Variants in LIPC observed in about 807,000 individuals in gnomAD.
LIPC encodes the protein hepatic triacylglycerol lipase.
Under a neutral mutation model 50.7 loss-of-function variants are expected in LIPC, and 44 were observed. That is an observed-to-expected ratio of 0.87 (90% CI 0.68 to 1.11). LIPC has a LOEUF of 1.11. LIPC is among the 50% of genes most tolerant of loss of function. The pLI is 0.00. For synonymous variants in LIPC, 271 were observed against 256.4 expected, an observed-to-expected ratio of 1.06 and a Z score of -0.54; for missense variants, 697 against 648.2, an observed-to-expected ratio of 1.08 and a Z score of -0.82.
At chr15:58,524,536 C>A (rs1237002175) in intron 1 of LIPC, among the ~76,000 whole-genome samples, 1 of 152,230 alleles carries the variant, frequency 6.6e-6, no homozygotes, top group African/African-American at 2.4e-5. Flanking sequence ...TGGAGTTGCA[C>A]CATTTTGCAT....
intron 7 of LIPC, among the ~76,000 whole-genome samples, chr15:58,563,264 G>A (rs1894230538): frequency 2.0e-5 from 3 of 152,172 alleles, no homozygotes; most frequent in Admixed American, 1.3e-4. Flanking sequence ...ACTTCTCGGA[G>A]CCTTTTTGAT....
chr15:58,490,871 G>A (rs1420511157), intron 1 of LIPC, among the ~76,000 whole-genome samples: 1 of 152,138 alleles, frequency 6.6e-6, no homozygotes, highest in Non-Finnish European at 1.5e-5. Flanking sequence ...TCAGGTCTCT[G>A]AGAGCCCAGA....
intron 1 of LIPC, among the ~76,000 whole-genome samples, chr15:58,478,313 A>T (rs1312263146): frequency 6.6e-6 from 1 of 152,194 alleles, no homozygotes; most frequent in Non-Finnish European, 1.5e-5. Flanking sequence ...ATCTCGGCTC[A>T]CTGTAACCTC....
chr15:58,542,620 C>A lies in LIPC; in HGVS notation c.543C>A (p.Ile181=). ...TGTCAGGATTTGCCGGCAGTTCCATCGGTGGAACGCACAAGATTGGGAGAA... is the reference window on the plus strand; with the variant it reads ...TGTCAGGATTTGCCGGCAGTTCCATAGGTGGAACGCACAAGATTGGGAGAA... ...AHVSGFAGSS[I]GGTHKIGRIT... Residue 181 remains isoleucine (I), a synonymous_variant, in exon 4 of 9, where the codon ATC becomes ATA. Coordinates refer to ENST00000299022, the MANE Select transcript of LIPC (RefSeq NM_000236.3). The A allele has an allele frequency of 1.2e-6, 2 of 1,613,240 alleles. No homozygotes were observed. The highest frequency in any genetic ancestry group is 1.7e-6 in the Non-Finnish European group (2 of 1,179,314).
intron 1 of LIPC, among the ~76,000 whole-genome samples, chr15:58,478,401 G>C (rs1318706914): frequency 6.6e-6 from 1 of 152,036 alleles, no homozygotes; most frequent in Non-Finnish European, 1.5e-5. Flanking sequence ...ACCATACCTG[G>C]ATAATTTTTG....
Position 58,470,716 on chromosome 15 carries a change from C to T in LIPC, c.88+38596C>T, listed in dbSNP as rs553505648. On this transcript the variant is annotated intron_variant, in intron 1 of 8. Transcript: ENST00000299022. The stretch of plus-strand genomic sequence containing the variant: ...CCGGGTGCACACCATTCTGCTGCCT[C>T]AGCCTCCCCAGTAGCTGGGACTACA... Among the ~76,000 whole-genome samples the T allele has an allele frequency of 3.3e-5, 5 of 152,142 alleles. No individual in the cohort carries two copies. The East Asian group carries it at 7.7e-4, about 24-fold the overall frequency.
chr15:58,467,534 G>A (rs1372220251), intron 1 of LIPC, among the ~76,000 whole-genome samples: 2 of 151,994 alleles, frequency 1.3e-5, no homozygotes, highest in Non-Finnish European at 2.9e-5. Context: ...TTTATGATCC[G>A]GTACTAGGCC....
chr15:58,481,143 T>A (rs778928560), intron 1 of LIPC, among the ~76,000 whole-genome samples: 7 of 152,202 alleles, frequency 4.6e-5, no homozygotes, highest in African/African-American at 7.2e-5. Flanking sequence ...ACTTGTCTTC[T>A]GTAGAAAGTT....
At chr15:58,492,877 C>T (rs1472153213) in intron 1 of LIPC, among the ~76,000 whole-genome samples, 1 of 152,140 alleles carries the variant, frequency 6.6e-6, no homozygotes, top group Non-Finnish European at 1.5e-5. Context: ...TGGCCAAGAA[C>T]AGGAGAGGGG....
intron 1 of LIPC, among the ~76,000 whole-genome samples, chr15:58,439,678 G>A (rs1401520680): frequency 1.3e-5 from 2 of 152,152 alleles, no homozygotes; most frequent in East Asian, 1.9e-4. Context: ...TCTTGACTTC[G>A]TGATCTGCCC....
In LIPC at chr15:58,485,550, G is replaced by A. The variant is rs535237903; in HGVS notation, c.89-52783G>A. ...GGGCTAAGGGCTGTTTCCTTCCTTC[G>A]ACTGAAGACCTTTCATACTGTAAGA... On this transcript the variant is annotated intron_variant, in intron 1 of 8. Coordinates refer to ENST00000299022, the MANE Select transcript of LIPC (RefSeq NM_000236.3). 4.5e-4 allele frequency among the ~76,000 whole-genome samples: 63 copies of A among 138,584 alleles called. 2 individuals are homozygous for A. In the South Asian group the frequency reaches 0.013, roughly 28 times the overall value. The allele number at this position is 138,584 out of a possible 152,430, so 90.9% of individuals were successfully genotyped here. A position where few individuals can be genotyped will look rare whatever the true frequency, so the allele number is the denominator to read the frequency against.
intron 1 of LIPC, among the ~76,000 whole-genome samples, chr15:58,493,714 A>G (rs1023416307): frequency 1.3e-5 from 2 of 148,508 alleles, no homozygotes; most frequent in African/African-American, 4.9e-5. Context: ...TTTTGTATAT[A>G]TTTGTATATG....
At chr15:58,560,272 C>A (rs1432027952) in intron 6 of LIPC, among the ~76,000 whole-genome samples, 139 of 152,252 alleles carry the variant, frequency 9.1e-4, no homozygotes, top group Admixed American at 6.5e-5. Context: ...AGATTTTAGG[C>A]CCAAGTTCTA....
intron 6 of LIPC, among the ~76,000 whole-genome samples, chr15:58,559,063 T>A (rs1595953707): frequency 6.6e-6 from 1 of 152,184 alleles, no homozygotes; most frequent in East Asian, 1.9e-4. Flanking sequence ...GGCAGTACCC[T>A]CTGCTGGGCT....
intron 1 of LIPC, among the ~76,000 whole-genome samples, chr15:58,453,838 C>T (rs1894007813): frequency 6.8e-6 from 1 of 146,448 alleles, no homozygotes; most frequent in Non-Finnish European, 1.5e-5. Flanking sequence ...TGCAGTGAGC[C>T]ATGATCATGC....
At chr15:58,450,877 A>T (rs1432376680) in intron 1 of LIPC, among the ~76,000 whole-genome samples, 1 of 152,202 alleles carries the variant, frequency 6.6e-6, no homozygotes, top group Non-Finnish European at 1.5e-5. Flanking sequence ...CCAGGGCAAT[A>T]AAGGGGTACA....
chr15:58,506,039 A>T (rs6494016), intron 1 of LIPC, among the ~76,000 whole-genome samples: 119,750 of 151,918 alleles, frequency 0.79, 47,566 homozygotes, highest in African/African-American at 0.89. Flanking sequence ...AGGAACTTCC[A>T]TAGAGTGGAT....
chr15:58,438,900 A>T (rs1407675468), intron 1 of LIPC, among the ~76,000 whole-genome samples: 7 of 152,026 alleles, frequency 4.6e-5, no homozygotes, highest in Non-Finnish European at 8.8e-5. Flanking sequence ...TTTTTTCCCC[A>T]GTGGGGCTTG....
At chr15:58,480,567 G>A (rs1272594766) in intron 1 of LIPC, among the ~76,000 whole-genome samples, 1 of 152,176 alleles carries the variant, frequency 6.6e-6, no homozygotes, top group Middle Eastern at 3.2e-3. Flanking sequence ...AAAGTGCTGG[G>A]ATTACAGGTG....
Sources: gnomAD v4.1 joint callset for allele counts (sites outside exome capture counted in the v4.1 genomes callset) on GRCh38, gnomAD v4.1.1 for gene constraint, MANE v1.5 for transcripts, NCBI Gene and HGNC (gene_info 2026-07-23, HGNC 2026-07-21) for gene names.